The following CCSER1 variants were observed in gnomAD, a reference collection of about 807,000 sequenced individuals.
CCSER1 encodes coiled-coil serine rich protein 1.
Under a neutral mutation model 82.0 loss-of-function variants are expected in CCSER1, and 41 were observed. That is an observed-to-expected ratio of 0.50 (90% CI 0.39 to 0.65). CCSER1 has a LOEUF of 0.65. Among genes scored for constraint, CCSER1 ranks in the 30% least tolerant of loss-of-function variants. The pLI, the probability that CCSER1 is intolerant of heterozygous loss-of-function variation, is 0.00. For missense variants in CCSER1, 1,119 were observed against 1,064.2 expected, an observed-to-expected ratio of 1.05 and a Z score of -0.72; for synonymous variants, 414 against 383.9, an observed-to-expected ratio of 1.08 and a Z score of -0.92.
At chr4:91,545,992 C>T (rs1300781396) in intron 10 of CCSER1, among the ~76,000 whole-genome samples, 1 of 152,052 alleles carries the variant, frequency 6.6e-6, no homozygotes, top group East Asian at 1.9e-4. Flanking sequence ...GGTATCATGA[C>T]TGGGTTTTTA....
At chr4:91,515,647 C>G (rs553746213) in intron 10 of CCSER1, among the ~76,000 whole-genome samples, 3 of 152,090 alleles carry the variant, frequency 2.0e-5, no homozygotes, top group East Asian at 1.9e-4. Flanking sequence ...CTATTGTGAA[C>G]ATGCTGCAGT....
chr4:91,459,554 T>G (rs566976832), intron 10 of CCSER1, among the ~76,000 whole-genome samples: 3 of 152,040 alleles, frequency 2.0e-5, no homozygotes, highest in Non-Finnish European at 4.4e-5. Flanking sequence ...GGAGATGAAA[T>G]AACAGATACA....
At chr4:90,204,270 C>A (rs1016748198) in intron 1 of CCSER1, among the ~76,000 whole-genome samples, 4 of 151,152 alleles carry the variant, frequency 2.6e-5, no homozygotes, top group Admixed American at 2.0e-4. Context: ...TTTGCCCATG[C>A]CTGTGTCCTG....
intron 9 of CCSER1, among the ~76,000 whole-genome samples, chr4:91,072,661 G>T (rs938507142): frequency 6.6e-6 from 1 of 152,054 alleles, no homozygotes; most frequent in African/African-American, 2.4e-5. Context: ...AGTTCCAAAA[G>T]TAGCTCTGTA....
intron 10 of CCSER1, among the ~76,000 whole-genome samples, chr4:91,380,196 T>A (rs566865637): frequency 1.3e-5 from 2 of 152,192 alleles, no homozygotes; most frequent in African/African-American, 4.8e-5. Flanking sequence ...ATAAGTGCGA[T>A]GTGGTGCTGA....
chr4:90,274,718 G>A (rs17016707), intron 1 of CCSER1, among the ~76,000 whole-genome samples: 5,566 of 151,658 alleles, frequency 0.037, 271 homozygotes, highest in East Asian at 0.23. Flanking sequence ...GACCATCTTG[G>A]TCCCAGAATA....
intron 5 of CCSER1, among the ~76,000 whole-genome samples, chr4:90,533,777 G>A (rs1774934019): frequency 6.6e-6 from 1 of 152,060 alleles, no homozygotes; most frequent in Admixed American, 6.6e-5. Context: ...CTATATCATT[G>A]TATTTTTATT....
chr4:90,867,531 G>A (rs1765894334), intron 8 of CCSER1, among the ~76,000 whole-genome samples: 1 of 151,800 alleles, frequency 6.6e-6, no homozygotes, highest in Non-Finnish European at 1.5e-5. Flanking sequence ...TCATTTCTTT[G>A]TGTTACAGAC....
chr4:90,246,952 G>A (rs1578733136), intron 1 of CCSER1, among the ~76,000 whole-genome samples: 1 of 151,742 alleles, frequency 6.6e-6, no homozygotes, highest in East Asian at 1.9e-4. Flanking sequence ...TATCCAAATG[G>A]CCAGCATCAC....
chr4:91,451,095 T>A (rs1578490769), intron 10 of CCSER1, among the ~76,000 whole-genome samples: 1 of 135,614 alleles, frequency 7.4e-6, no homozygotes, highest in Non-Finnish European at 1.6e-5. Flanking sequence ...TCAAAGATGG[T>A]ACCTTCTAGC....
intron 5 of CCSER1, among the ~76,000 whole-genome samples, chr4:90,605,782 A>G (rs534034058): frequency 9.5e-4 from 145 of 152,158 alleles, no homozygotes; most frequent in Non-Finnish European, 1.8e-3. Flanking sequence ...CAGTGTGTTT[A>G]CATTGACCAA....
chr4:90,704,200 G>A (rs979506063), intron 6 of CCSER1, among the ~76,000 whole-genome samples: 31 of 152,068 alleles, frequency 2.0e-4, no homozygotes, highest in African/African-American at 7.5e-4. Context: ...ATTTGCTTGT[G>A]TGTAAAGGAT....
At chr4:91,469,063 T>C (rs2149441742) in intron 10 of CCSER1, among the ~76,000 whole-genome samples, 1 of 152,274 alleles carries the variant, frequency 6.6e-6, no homozygotes, top group East Asian at 1.9e-4. Context: ...TAGTGGAAAA[T>C]TAATTGATAA....
chr4:91,551,671 AC>A (rs1208376904), intron 10 of CCSER1, among the ~76,000 whole-genome samples: 2 of 133,484 alleles, frequency 1.5e-5, no homozygotes, highest in East Asian at 4.4e-4. Context: ...ACACACACAC[AC>A]ACACACACAC....
intron 5 of CCSER1, among the ~76,000 whole-genome samples, chr4:90,491,061 G>A (rs1055566812): frequency 6.6e-6 from 1 of 152,168 alleles, no homozygotes; most frequent in Admixed American, 6.6e-5. Flanking sequence ...TGTGAAGAAA[G>A]TCATTGGTAG....
chr4:90,454,974 C>G (rs1190458517), intron 4 of CCSER1, among the ~76,000 whole-genome samples: 2 of 152,106 alleles, frequency 1.3e-5, no homozygotes, highest in African/African-American at 4.8e-5. Context: ...TTAGAGAGAA[C>G]CTGGATAAGG....
At chr4:91,187,761 C>G (rs1014931012) in intron 10 of CCSER1, among the ~76,000 whole-genome samples, 1 of 152,244 alleles carries the variant, frequency 6.6e-6, no homozygotes, top group Admixed American at 6.5e-5. Flanking sequence ...CCACATTGGC[C>G]AGGCTGGTCT....
chr4:91,501,082 T>C (rs1759183557), intron 10 of CCSER1, among the ~76,000 whole-genome samples: 1 of 151,868 alleles, frequency 6.6e-6, no homozygotes, highest in African/African-American at 2.4e-5. Flanking sequence ...TCTGACCCTA[T>C]ATTATTAGAT....
At chr4:90,842,749 CAG>C (rs1443385200) in intron 8 of CCSER1, among the ~76,000 whole-genome samples, 2 of 152,294 alleles carry the variant, frequency 1.3e-5, no homozygotes, top group East Asian at 1.9e-4. Flanking sequence ...CAGGGATTCT[CAG>C]GGAACTAATG....
Sources: allele counts gnomAD v4.1 joint callset (sites outside exome capture counted in the v4.1 genomes callset), GRCh38; gene constraint gnomAD v4.1.1; transcripts MANE v1.5; gene names NCBI Gene and HGNC (gene_info 2026-07-23, HGNC 2026-07-21).